The following EIF4G3 variants were observed in gnomAD, a reference collection of about 807,000 sequenced individuals.
The protein encoded by EIF4G3 is eukaryotic translation initiation factor 4 gamma 3, also known as eIF-4-gamma 3.
Under a neutral mutation model 186.4 loss-of-function variants are expected in EIF4G3, and 34 were observed. The observed-to-expected ratio is 0.18, with a 90% CI of 0.14 to 0.24. The LOEUF is 0.24. Ranked by LOEUF, EIF4G3 falls within the 10% of genes least tolerant of loss-of-function variation. The probability of loss-of-function intolerance (pLI) is 1.00; values close to 1 mark genes in which losing one functional copy is unlikely to be tolerated. For synonymous variants in EIF4G3, 673 were observed against 679.5 expected (o/e 0.99, Z 0.15); for missense variants, 1,536 against 1,948.5 (o/e 0.79, Z 3.99).
intron 2 of EIF4G3, among the ~76,000 whole-genome samples, chr1:21,165,302 C>T (rs1296005478): frequency 6.6e-6 from 1 of 152,078 alleles, no homozygotes; most frequent in Non-Finnish European, 1.5e-5. Context: ...ATGGAGTTAC[C>T]TCATATAACC....
Position 20,893,642 on chromosome 1 carries a change from T to A in EIF4G3, c.2134-6A>T. 1 of 1,545,190 alleles carries A rather than the reference T, an allele frequency of 6.5e-7. No individual in the cohort carries two copies. Among genetic ancestry groups the A allele is most frequent in the Non-Finnish European group, 8.8e-7 (1 of 1,133,460 alleles). ...GGCAATTTGGGTTGGTTGATCTGCA[T>A]GAAAAAGCAAAAGAAAGCTTAATAC... On this transcript the variant is annotated splice_polypyrimidine_tract_variant and splice_region_variant and intron_variant, in intron 17 of 36. Transcript: ENST00000602326.
intron 3 of EIF4G3, among the ~76,000 whole-genome samples, chr1:21,078,287 C>T (rs1447682863): frequency 1.3e-5 from 2 of 152,068 alleles, no homozygotes; most frequent in African/African-American, 4.8e-5. Context: ...CACTCAACCA[C>T]GTCCATTTGC....
intron 2 of EIF4G3, among the ~76,000 whole-genome samples, chr1:21,172,903 G>A (rs2098013631): frequency 6.6e-6 from 1 of 151,502 alleles, no homozygotes; most frequent in Admixed American, 6.6e-5. Context: ...CACTTTGGGA[G>A]GTAGAAGCAG....
intron 29 of EIF4G3, among the ~76,000 whole-genome samples, chr1:20,842,850 T>G (rs975863376): frequency 6.6e-6 from 1 of 151,728 alleles, no homozygotes; most frequent in African/African-American, 2.4e-5. Context: ...TTTAGTTTTT[T>G]TTTTTTTTTA....
At chr1:20,868,093 T>TTTTTTTTTTC (rs2078074805) in intron 20 of EIF4G3, among the ~76,000 whole-genome samples, 1 of 138,046 alleles carries the variant, frequency 7.2e-6, no homozygotes, top group Admixed American at 7.5e-5. Context: ...TGATTTTCTT[T>TTTTTTTTTTC]TTTTTTTTTT....
At chr1:20,947,321 G>C (rs2095998696) in intron 13 of EIF4G3, among the ~76,000 whole-genome samples, 1 of 151,546 alleles carries the variant, frequency 6.6e-6, no homozygotes, top group African/African-American at 2.4e-5. Context: ...TCCATCCTGG[G>C]TGATAGAACG....
intron 13 of EIF4G3, among the ~76,000 whole-genome samples, chr1:20,948,260 G>A (rs1398317211): frequency 6.6e-6 from 1 of 152,162 alleles, no homozygotes; most frequent in Non-Finnish European, 1.5e-5. Flanking sequence ...CTTTATCATT[G>A]AAGGTAGCAA....
At chr1:21,166,017 A>C (rs1014721976) in intron 2 of EIF4G3, among the ~76,000 whole-genome samples, 2 of 149,450 alleles carry the variant, frequency 1.3e-5, no homozygotes, top group Admixed American at 1.4e-4. Flanking sequence ...CATACACTAC[A>C]CTTGCTTCAG....
chr1:21,118,501 G>A (rs1242292935), intron 2 of EIF4G3, among the ~76,000 whole-genome samples: 2 of 152,072 alleles, frequency 1.3e-5, no homozygotes, highest in East Asian at 3.9e-4. Context: ...ATATAGAAAT[G>A]TTGGGCCCGG....
intron 22 of EIF4G3, among the ~76,000 whole-genome samples, chr1:20,862,843 T>C (rs1037880389): frequency 1.3e-5 from 2 of 152,224 alleles, no homozygotes; most frequent in African/African-American, 2.4e-5. Flanking sequence ...GGCTCAATTA[T>C]GCCTCATTGC....
chr1:20,924,495 T>C (rs1474018994), intron 14 of EIF4G3, among the ~76,000 whole-genome samples: 1 of 152,200 alleles, frequency 6.6e-6, no homozygotes, highest in Non-Finnish European at 1.5e-5. Context: ...AACAGACTGG[T>C]AGGTACCTTT....
intron 14 of EIF4G3, among the ~76,000 whole-genome samples, chr1:20,930,742 T>C (rs61781104): frequency 1.3e-5 from 2 of 152,056 alleles, no homozygotes; most frequent in African/African-American, 4.8e-5. Context: ...TTCCATCACA[T>C]CTGCACTTAC....
intron 3 of EIF4G3, among the ~76,000 whole-genome samples, chr1:21,079,711 A>T (rs989448510): frequency 6.6e-6 from 1 of 151,718 alleles, no homozygotes; most frequent in African/African-American, 2.4e-5. Flanking sequence ...AAACTCATGA[A>T]ATTTTATGGC....
intron 20 of EIF4G3, among the ~76,000 whole-genome samples, chr1:20,867,069 A>G (rs1011952672): frequency 2.0e-5 from 3 of 152,248 alleles, no homozygotes; most frequent in Non-Finnish European, 4.4e-5. Flanking sequence ...AGACTATTTT[A>G]GAAGAGCTGG....
At chr1:20,924,523 T>C (rs2094723629) in intron 14 of EIF4G3, among the ~76,000 whole-genome samples, 1 of 152,230 alleles carries the variant, frequency 6.6e-6, no homozygotes, top group African/African-American at 2.4e-5. Context: ...TGACAATCTA[T>C]GTTTCACATA....
At chr1:20,842,239 T>A (rs1355573289) in intron 29 of EIF4G3, among the ~76,000 whole-genome samples, 1 of 152,196 alleles carries the variant, frequency 6.6e-6, no homozygotes, top group Non-Finnish European at 1.5e-5. Context: ...TGTTGCTGAG[T>A]CCAGTTGAGA....
At chr1:20,943,967 ATTTTTTTTGTGTGTGTGTGT>A (rs1218667655) in intron 13 of EIF4G3, among the ~76,000 whole-genome samples, 60 of 65,378 alleles carry the variant, frequency 9.2e-4, no homozygotes, top group African/African-American at 2.7e-3. Context: ...ACTTGTCTTT[ATTTTTTTTGTGTGTGTGTGT>A]GTGTGTGTGT....
At chr1:21,151,236 CT>C (rs71014161) in intron 2 of EIF4G3, among the ~76,000 whole-genome samples, 9 of 80,438 alleles carry the variant, frequency 1.1e-4, no homozygotes, top group South Asian at 1.1e-3. Flanking sequence ...GTATTTCTTT[CT>C]TTTTTTTTTT....
intron 3 of EIF4G3, among the ~76,000 whole-genome samples, chr1:21,057,438 C>T (rs1032924614): frequency 1.3e-5 from 2 of 151,992 alleles, no homozygotes; most frequent in African/African-American, 4.8e-5. Flanking sequence ...ATATCCAAAA[C>T]CGGCAAAACT....
Sources: gnomAD v4.1 joint callset for allele counts (sites outside exome capture counted in the v4.1 genomes callset) on GRCh38, gnomAD v4.1.1 for gene constraint, MANE v1.5 for transcripts, NCBI Gene and HGNC (gene_info 2026-07-23, HGNC 2026-07-21) for gene names.